Variants in ERI1 observed in about 807,000 individuals in gnomAD.
ERI1 encodes 3'-5' exoribonuclease 1.
ERI1 carries 39 observed loss-of-function variants against 39.7 expected under a neutral mutation model. That is an observed-to-expected ratio of 0.98 (90% CI 0.76 to 1.28). ERI1 has a LOEUF of 1.28. Among genes scored for constraint, ERI1 ranks in the 50% most tolerant of loss-of-function variants. The pLI, the probability that ERI1 is intolerant of heterozygous loss-of-function variation, is 0.00. For missense variants in ERI1, 581 were observed against 416.9 expected (o/e 1.39, Z -3.43); for synonymous variants, 204 against 149.6 (o/e 1.36, Z -2.65).
chr8:9,074,891 T>C (rs943852482), intron 3 of ERI1, among the ~76,000 whole-genome samples: 1 of 152,160 alleles, frequency 6.6e-6, no homozygotes, highest in African/African-American at 2.4e-5. Flanking sequence ...CCTGGTGTGG[T>C]CTGGTGTGGT....
In ERI1 at chr8:9,032,694, A is replaced by C. The variant is rs1270059481; in HGVS notation, c.*2660A>C. 1 of 152,220 alleles carries C rather than the reference A, an allele frequency of 6.6e-6. No homozygotes were observed. Among genetic ancestry groups the C allele is most frequent in the Non-Finnish European group, 1.5e-5 (1 of 68,038 alleles). 9.4% of individuals were successfully genotyped at this position (152,220 alleles called of 1,614,324 possible). ...CAGTTGACTTTTAGTATATCATCCC[A>C]AGTATTATCCCCAAAATGATAATGC... On this transcript the variant is annotated 3_prime_UTR_variant, in exon 7 of 7. Coordinates refer to ENST00000250263, the MANE Select transcript of ERI1 (RefSeq NM_153332.4).
chr8:9,031,360 A>T lies in ERI1; in HGVS notation c.*1326A>T, dbSNP rs956239467. ...AGCCAATGAATTTCTGCTTTTCAGC[A>T]GTAGTCATATAATCAGTATCATAAA... On this transcript the variant is annotated 3_prime_UTR_variant, in exon 7 of 7. Transcript: ENST00000250263. The T allele has an allele frequency of 6.6e-6, 1 of 152,240 alleles. No homozygotes were observed. Among genetic ancestry groups the T allele is most frequent in the South Asian group, 2.1e-4 (1 of 4,836 alleles). The allele number at this position is 152,240 out of a possible 1,614,324, so 9.4% of individuals were successfully genotyped here.
chr8:9,017,989 C>A (rs1421660567), intron 4 of ERI1, among the ~76,000 whole-genome samples: 1 of 152,084 alleles, frequency 6.6e-6, no homozygotes, highest in Non-Finnish European at 1.5e-5. Flanking sequence ...TTCTCTTTTC[C>A]CTCCTCTAGA....
chr8:9,099,582 G>A (rs567518316), intron 3 of ERI1, among the ~76,000 whole-genome samples: 8 of 148,618 alleles, frequency 5.4e-5, no homozygotes, highest in South Asian at 2.1e-4. Context: ...GCAATAGAGC[G>A]GGACACTCTC....
chr8:9,057,816 C>G (rs1383423411), intron 3 of ERI1, among the ~76,000 whole-genome samples: 1 of 152,164 alleles, frequency 6.6e-6, no homozygotes, highest in Non-Finnish European at 1.5e-5. Flanking sequence ...CAGAGCCCAG[C>G]AAGGAGGTGA....
chr8:9,082,297 A>C (rs890298379), intron 3 of ERI1, among the ~76,000 whole-genome samples: 1 of 152,096 alleles, frequency 6.6e-6, no homozygotes, highest in African/African-American at 2.4e-5. Context: ...ATGTTGACTC[A>C]TGGTGTTTTA....
At chr8:9,023,930 C>T (rs1585221490) in intron 6 of ERI1, among the ~76,000 whole-genome samples, 1 of 151,074 alleles carries the variant, frequency 6.6e-6, no homozygotes, top group Admixed American at 6.6e-5. Flanking sequence ...TCCCGAGTAG[C>T]TGGGATTACA....
chr8:9,084,454 G>A (rs1470975828), intron 3 of ERI1, among the ~76,000 whole-genome samples: 1 of 152,108 alleles, frequency 6.6e-6, no homozygotes, highest in Non-Finnish European at 1.5e-5. Context: ...GTTGCCCCAC[G>A]TTTATCATTG....
At chr8:9,027,624 G>A (rs1218713940) in intron 6 of ERI1, among the ~76,000 whole-genome samples, 2 of 152,084 alleles carry the variant, frequency 1.3e-5, no homozygotes, top group Non-Finnish European at 2.9e-5. Context: ...TTACATTTAG[G>A]TCTTTGATCA....
chr8:9,026,981 G>C (rs1797211227), intron 6 of ERI1, among the ~76,000 whole-genome samples: 2 of 152,144 alleles, frequency 1.3e-5, no homozygotes, highest in African/African-American at 4.8e-5. Flanking sequence ...TGTATAACCA[G>C]AATAGGAGTT....
intron 1 of ERI1, among the ~76,000 whole-genome samples, chr8:9,006,590 T>G (rs762767256): frequency 6.6e-6 from 1 of 152,222 alleles, no homozygotes; most frequent in Non-Finnish European, 1.5e-5. Context: ...AAAAGATAAT[T>G]TTTTGTAAAA....
At chr8:9,021,021 T>G (rs947297763) in intron 6 of ERI1, among the ~76,000 whole-genome samples, 1 of 152,312 alleles carries the variant, frequency 6.6e-6, no homozygotes, top group African/African-American at 2.4e-5. Context: ...ATTCCTGCCC[T>G]GAAAGATCAA....
intron 3 of ERI1, among the ~76,000 whole-genome samples, chr8:9,076,024 C>T (rs1052476541): frequency 1.3e-5 from 2 of 152,100 alleles, no homozygotes; most frequent in African/African-American, 4.8e-5. Flanking sequence ...CAGCCTCAAT[C>T]TCCTGGGTCC....
At chr8:9,004,433 G>GT (rs1815736861) in intron 1 of ERI1, 1 of 259,514 alleles carries the variant, frequency 3.9e-6, no homozygotes, top group Non-Finnish European at 6.6e-6. Flanking sequence ...ATTGGCTTTA[G>GT]TGACGGTAGT....
At chr8:9,041,806 C>T (rs780426378) in intron 3 of ERI1, among the ~76,000 whole-genome samples, 1 of 152,206 alleles carries the variant, frequency 6.6e-6, no homozygotes, top group East Asian at 1.9e-4. Flanking sequence ...GTGATCTCGG[C>T]TGACTTCAAC....
At chr8:9,018,105 G>C (rs1817494348) in intron 4 of ERI1, among the ~76,000 whole-genome samples, 192 bp from the exon 5 acceptor site, 1 of 152,182 alleles carries the variant, frequency 6.6e-6, no homozygotes, top group Non-Finnish European at 1.5e-5. Context: ...AGTAGTCCCA[G>C]TACTTGGTTA....
At chr8:9,034,566 C>T (rs1797779384), downstream of ERI1, among the ~76,000 whole-genome samples, 1 of 152,044 alleles carries the variant, frequency 6.6e-6, no homozygotes, top group African/African-American at 2.4e-5. Context: ...TTTGGGGCAC[C>T]ACAGACCACA....
At chr8:9,039,966 A>G (rs1221010369) in intron 3 of ERI1, among the ~76,000 whole-genome samples, 1 of 152,196 alleles carries the variant, frequency 6.6e-6, no homozygotes, top group East Asian at 1.9e-4. Flanking sequence ...ATAGTCCTGA[A>G]AATTATTCCA....
rs761613894 is a variant in ERI1 at position 9,008,033 on chromosome 8, G to A, written c.172G>A (p.Ala58Thr). 3.7e-6 allele frequency: 6 copies of A among 1,604,696 alleles called. No individual in the cohort carries two copies. The highest frequency in any genetic ancestry group is 1.7e-4 in the Middle Eastern group (1 of 6,024). ...AGGATCCAAGTTCATTACCTCCAGTGCGAGTGACTTCAGTGACCCGGTTTA... is the reference window on the plus strand; with the variant it reads ...AGGATCCAAGTTCATTACCTCCAGTACGAGTGACTTCAGTGACCCGGTTTA... ...TKGSKFITSSASDFSDPVYKE... is the reference protein window; with the variant it reads ...TKGSKFITSSTSDFSDPVYKE... The change falls in exon 2 of 7, where the codon GCG becomes ACG. Residue 58 changes from alanine (A) to threonine (T), a missense_variant. Physicochemically the swap from Ala to Thr is moderately conservative, Grantham distance 58. Transcript: ENST00000250263.
Sources: gnomAD v4.1 joint callset for allele counts (sites outside exome capture counted in the v4.1 genomes callset) on GRCh38, gnomAD v4.1.1 for gene constraint, MANE v1.5 for transcripts, NCBI Gene and HGNC (gene_info 2026-07-23, HGNC 2026-07-21) for gene names.